PSPC1: variants seen among roughly 807,000 people sequenced by gnomAD.
PSPC1 encodes paraspeckle component 1.
A neutral mutation model predicts 51.6 loss-of-function variants in PSPC1; 14 were observed. That is an observed-to-expected ratio of 0.27 (90% CI 0.18 to 0.42). PSPC1 has a LOEUF of 0.42. Among genes scored for constraint, PSPC1 ranks in the 10% least tolerant of loss-of-function variants. The pLI is 1.00. For missense variants in PSPC1, 406 were observed against 701.1 expected (o/e 0.58, Z 4.75); for synonymous variants, 193 against 231.9 (o/e 0.83, Z 1.53).
At chr13:19,689,903 G>C (rs912481133) in intron 6 of PSPC1, among the ~76,000 whole-genome samples, 1 of 152,012 alleles carries the variant, frequency 6.6e-6, no homozygotes, top group Non-Finnish European at 1.5e-5. Context: ...CCATCCAACT[G>C]AACAGTAATA....
chr13:19,706,062 A>AG (rs1880616907), intron 7 of PSPC1, among the ~76,000 whole-genome samples: 1 of 152,210 alleles, frequency 6.6e-6, no homozygotes, highest in South Asian at 2.1e-4. Flanking sequence ...ACTATCAATC[A>AG]TTTTAGGGCA....
At chr13:19,728,891 T>A (rs1287510328) in intron 6 of PSPC1, among the ~76,000 whole-genome samples, 4 of 152,198 alleles carry the variant, frequency 2.6e-5, no homozygotes, top group Non-Finnish European at 4.4e-5. Context: ...ATACTAATTT[T>A]AAAATTTTTT....
intron 4 of PSPC1, 120 bp from the exon 5 acceptor site, chr13:19,741,769 T>C (rs1462568005): frequency 1.6e-5 from 9 of 546,268 alleles, no homozygotes; most frequent in South Asian, 1.3e-4. Context: ...TTTATAATAA[T>C]GTAAGCTGGG....
At chr13:19,675,630 A>AT (rs1876556633) in intron 7 of PSPC1, 2 of 152,200 alleles carry the variant, frequency 1.3e-5, no homozygotes, top group African/African-American at 4.8e-5. Flanking sequence ...CACGAACAGG[A>AT]TATTTCCCAC....
intron 2 of PSPC1, among the ~76,000 whole-genome samples, chr13:19,770,660 C>T (rs992911758): frequency 1.3e-5 from 2 of 152,174 alleles, no homozygotes; most frequent in South Asian, 4.1e-4. Context: ...CAGTGGTTCA[C>T]GCTTGTAATC....
At chr13:19,719,637 T>C (rs1206110798) in intron 6 of PSPC1, among the ~76,000 whole-genome samples, 5 of 152,198 alleles carry the variant, frequency 3.3e-5, no homozygotes, top group Non-Finnish European at 7.3e-5. Flanking sequence ...ACAATGTATT[T>C]TGAAAGCCTC....
At position 19,736,474 on chromosome 13, in the gene PSPC1, C is replaced by A. The variant is rs377294026; in HGVS notation, c.1052+5091G>T. On this transcript the variant is annotated intron_variant, in intron 5 of 8. Transcript: ENST00000338910. Reference sequence around the variant, plus strand: ...CGAGGCGGGCGGATCACAAGGTCAGCAGATCGAGACCATCCTGGCTAACAC... The same window carrying A: ...CGAGGCGGGCGGATCACAAGGTCAGAAGATCGAGACCATCCTGGCTAACAC... Among the ~76,000 whole-genome samples, 6 of 151,934 alleles carry A rather than the reference C, an allele frequency of 3.9e-5. No homozygotes were observed. The East Asian group carries it at 7.8e-4, about 20-fold the overall frequency.
chr13:19,684,092 C>T (rs564527982), intron 6 of PSPC1, among the ~76,000 whole-genome samples: 12 of 152,234 alleles, frequency 7.9e-5, no homozygotes, highest in African/African-American at 1.9e-4. Flanking sequence ...GTGAGGCAAG[C>T]GCTCGTTAGG....
At chr13:19,742,625 G>C (rs1397302505) in intron 4 of PSPC1, among the ~76,000 whole-genome samples, 1 of 152,162 alleles carries the variant, frequency 6.6e-6, no homozygotes, top group African/African-American at 2.4e-5. Flanking sequence ...TGTAATTCCA[G>C]CTACTCGGGA....
At chr13:19,760,923 G>A (rs546878980) in intron 2 of PSPC1, among the ~76,000 whole-genome samples, 1 of 152,106 alleles carries the variant, frequency 6.6e-6, no homozygotes, top group South Asian at 2.1e-4. Flanking sequence ...GGGAGACGGA[G>A]GTTGCAGTGA....
chr13:19,709,694 C>G, intron 6 of PSPC1, 95 bp from the exon 7 acceptor site: 1 of 1,105,174 alleles, frequency 9.0e-7, no homozygotes, highest in Non-Finnish European at 1.3e-6. Context: ...ATTGGGACAT[C>G]ATTTTTCATT....
At chr13:19,681,706 G>A (rs1302245138) in intron 6 of PSPC1, among the ~76,000 whole-genome samples, 1 of 152,146 alleles carries the variant, frequency 6.6e-6, no homozygotes, top group African/African-American at 2.4e-5. Context: ...GATTTTGGTG[G>A]GGTAGGGATT....
chr13:19,772,870 C>T (rs2138314690), intron 1 of PSPC1, among the ~76,000 whole-genome samples: 1 of 152,212 alleles, frequency 6.6e-6, no homozygotes, highest in Middle Eastern at 3.4e-3. Context: ...ATATTAACAA[C>T]TTGACTAGAG....
intron 4 of PSPC1, among the ~76,000 whole-genome samples, chr13:19,744,366 C>T (rs1449676334): frequency 6.6e-6 from 1 of 152,094 alleles, no homozygotes; most frequent in African/African-American, 2.4e-5. Context: ...ATCAAATAAG[C>T]ACAATTACCT....
At chr13:19,749,592 C>G (rs1566025080) in intron 4 of PSPC1, among the ~76,000 whole-genome samples, 1 of 148,954 alleles carries the variant, frequency 6.7e-6, no homozygotes, top group Non-Finnish European at 1.5e-5. Context: ...ACCTTTATCT[C>G]AAATAACAAC....
At chr13:19,737,970 A>T (rs1474877101) in intron 5 of PSPC1, among the ~76,000 whole-genome samples, 1 of 152,134 alleles carries the variant, frequency 6.6e-6, no homozygotes, top group South Asian at 2.1e-4. Context: ...GTAAACACCT[A>T]TAGTCCCAGC....
In PSPC1 at chr13:19,690,173, C is replaced by G. The variant is rs182996325; in HGVS notation, c.1159-12350G>C. 5.3e-5 allele frequency among the ~76,000 whole-genome samples: 8 copies of G among 152,094 alleles called. No individual in the cohort carries two copies. The East Asian group carries it at 1.5e-3, about 29-fold the overall frequency. On this transcript the variant is annotated intron_variant and NMD_transcript_variant, in intron 6 of 7. Transcript: ENST00000471658. ...CAAAACCTGAGAGGATTAGGTAGTCCCCTTCATCACATATAATTTTTACTG... is the reference window on the plus strand; with the variant it reads ...CAAAACCTGAGAGGATTAGGTAGTCGCCTTCATCACATATAATTTTTACTG...
At position 19,750,005 on chromosome 13, in the gene PSPC1, T is replaced by G. The variant is rs550788990; in HGVS notation, c.967+1266A>C. 1.7e-4 allele frequency among the ~76,000 whole-genome samples: 26 copies of G among 152,220 alleles called. 1 individual carries two copies. The South Asian group carries it at 5.4e-3, about 32-fold the overall frequency. ...TTCATCATAAGTGCTCAATAAACAT[T>G]TACTGAATAGTGATGTACGAAATAC... is the stretch of plus-strand genomic sequence containing the variant. On this transcript the variant is annotated intron_variant, in intron 4 of 8. Transcript: ENST00000338910.
At chr13:19,714,899 T>A (rs1394977782) in intron 6 of PSPC1, among the ~76,000 whole-genome samples, 1 of 152,194 alleles carries the variant, frequency 6.6e-6, no homozygotes, top group Non-Finnish European at 1.5e-5. Flanking sequence ...CCTTATCACT[T>A]CTCCGTATAA....
Sources: allele counts gnomAD v4.1 joint callset (sites outside exome capture counted in the v4.1 genomes callset), GRCh38; gene constraint gnomAD v4.1.1; transcripts MANE v1.5; gene names NCBI Gene and HGNC (gene_info 2026-07-23, HGNC 2026-07-21).